The following GNAQ variants were observed in gnomAD, a reference collection of about 807,000 sequenced individuals.
GNAQ encodes the protein guanine nucleotide-binding protein G(q) subunit alpha.
In GNAQ, 8 loss-of-function variants were observed where a neutral mutation model predicts 43.9. The ratio of observed to expected loss-of-function variants is 0.18; its 90% CI spans 0.11 to 0.33. The LOEUF (loss-of-function observed/expected upper bound fraction) is 0.33, where lower values mean the gene tolerates loss of function less well. GNAQ is among the 10% of genes least tolerant of loss of function. The pLI is 1.00. For missense variants in GNAQ, 158 were observed against 450.8 expected (o/e 0.35, Z 5.88); for synonymous variants, 155 against 170.7 (o/e 0.91, Z 0.71).
At chr9:78,021,900 G>T (rs536000028) in intron 1 of GNAQ, among the ~76,000 whole-genome samples, 11 of 152,342 alleles carry the variant, frequency 7.2e-5, no homozygotes, top group African/African-American at 2.6e-4. Flanking sequence ...GGAACACTGC[G>T]TCTCTCGGGC....
chr9:77,951,569 A>C (rs980807434), intron 1 of GNAQ, among the ~76,000 whole-genome samples: 1 of 152,164 alleles, frequency 6.6e-6, no homozygotes, highest in African/African-American at 2.4e-5. Context: ...TTAGCTGTGT[A>C]CCTAAAAATG....
intron 2 of GNAQ, among the ~76,000 whole-genome samples, chr9:77,899,091 C>T (rs771488667): frequency 3.9e-5 from 6 of 151,984 alleles, no homozygotes; most frequent in African/African-American, 1.2e-4. Context: ...CTCACTCACC[C>T]GTTTTTTTGT....
At chr9:77,859,425 C>T (rs1350853476) in intron 2 of GNAQ, among the ~76,000 whole-genome samples, 1 of 152,126 alleles carries the variant, frequency 6.6e-6, no homozygotes, top group African/African-American at 2.4e-5. Flanking sequence ...ACATTTAGAT[C>T]CACATATCTG....
At chr9:77,786,416 G>A (rs1216740367) in intron 5 of GNAQ, among the ~76,000 whole-genome samples, 1 of 151,548 alleles carries the variant, frequency 6.6e-6, no homozygotes, top group Non-Finnish European at 1.5e-5. Context: ...AAAGGCCTCA[G>A]AGAACTAAGA....
At chr9:77,905,730 A>G (rs781113958) in intron 2 of GNAQ, among the ~76,000 whole-genome samples, 1 of 152,226 alleles carries the variant, frequency 6.6e-6, no homozygotes, top group Non-Finnish European at 1.5e-5. Flanking sequence ...GATTCTTGAA[A>G]GAGTCCTTCA....
Position 77,816,282 on chromosome 9 carries a change from T to G in GNAQ, c.322-512A>C, listed in dbSNP as rs532700528. ...CTTTTAGGACAGGGCGTAAAACCAT[T>G]AGAAGAACAATTAATAGTAATAATT... On this transcript the variant is annotated intron_variant, in intron 2 of 6. Coordinates refer to ENST00000286548, the MANE Select transcript of GNAQ (RefSeq NM_002072.5). Among the ~76,000 whole-genome samples, 4 of 152,234 alleles carry G rather than the reference T, an allele frequency of 2.6e-5. No individual in the cohort carries two copies. The East Asian group carries it at 7.7e-4, about 29-fold the overall frequency.
At chr9:77,977,485 A>G (rs987332056) in intron 1 of GNAQ, among the ~76,000 whole-genome samples, 1 of 152,168 alleles carries the variant, frequency 6.6e-6, no homozygotes, top group African/African-American at 2.4e-5. Context: ...CCATTGTTCA[A>G]CCCACAGGCA....
chr9:77,955,366 C>T (rs1823029261), intron 1 of GNAQ, among the ~76,000 whole-genome samples: 1 of 152,174 alleles, frequency 6.6e-6, no homozygotes, highest in South Asian at 2.1e-4. Context: ...TGGTTTTGAA[C>T]TCCTGACCTT....
chr9:77,956,066 T>A (rs1037467596), intron 1 of GNAQ, among the ~76,000 whole-genome samples: 2 of 152,228 alleles, frequency 1.3e-5, no homozygotes, highest in Non-Finnish European at 2.9e-5. Context: ...AAATATTGTC[T>A]TTTTTGTTAT....
At chr9:77,903,208 A>G (rs1828640194) in intron 2 of GNAQ, among the ~76,000 whole-genome samples, 1 of 152,006 alleles carries the variant, frequency 6.6e-6, no homozygotes, top group Non-Finnish European at 1.5e-5. Flanking sequence ...AAGTTTGAGG[A>G]GCCCCAGATC....
intron 2 of GNAQ, among the ~76,000 whole-genome samples, chr9:77,901,169 A>C (rs1175917377): frequency 5.9e-5 from 9 of 152,164 alleles, no homozygotes; most frequent in Non-Finnish European, 1.3e-4. Context: ...ACCCGATAGT[A>C]GTACCACACT....
At chr9:78,028,088 G>A (rs558884341) in intron 1 of GNAQ, among the ~76,000 whole-genome samples, 174 of 152,198 alleles carry the variant, frequency 1.1e-3, no homozygotes, top group African/African-American at 4.0e-3. Context: ...AAGAAAATAT[G>A]TGCTTTATAC....
chr9:78,016,590 G>A lies in GNAQ; in HGVS notation c.136+14510C>T, dbSNP rs559904622. ...CAGCTACTCGGGAGGGCTGAGGCAGGAGAACTGATTGAACCCGGGAGGCGG... is the reference window on the plus strand; with the variant it reads ...CAGCTACTCGGGAGGGCTGAGGCAGAAGAACTGATTGAACCCGGGAGGCGG... On this transcript the variant is annotated intron_variant, in intron 1 of 6. Transcript: ENST00000286548. Among the ~76,000 whole-genome samples, 4 of 152,048 alleles carry A rather than the reference G, an allele frequency of 2.6e-5. No individual in the cohort carries two copies. The South Asian group carries it at 6.2e-4, about 24-fold the overall frequency.
intron 2 of GNAQ, among the ~76,000 whole-genome samples, chr9:77,840,060 T>C (rs1827461479): frequency 6.6e-6 from 1 of 152,238 alleles, no homozygotes; most frequent in Non-Finnish European, 1.5e-5. Flanking sequence ...TGGGAACCCG[T>C]GCGTTTTCCT....
intron 1 of GNAQ, among the ~76,000 whole-genome samples, chr9:77,933,055 A>G (rs1829174631): frequency 6.6e-6 from 1 of 152,106 alleles, no homozygotes; most frequent in African/African-American, 2.4e-5. Context: ...GAGGAGGTTA[A>G]GTTTGAAATG....
At chr9:78,000,322 A>T (rs1028500063) in intron 1 of GNAQ, among the ~76,000 whole-genome samples, 6 of 152,186 alleles carry the variant, frequency 3.9e-5, no homozygotes, top group Admixed American at 3.3e-4. Context: ...TGATGACCTA[A>T]CAGTTCAGAC....
intron 5 of GNAQ, among the ~76,000 whole-genome samples, chr9:77,732,490 C>T (rs1285966439): frequency 6.6e-6 from 1 of 152,148 alleles, no homozygotes; most frequent in East Asian, 1.9e-4. Flanking sequence ...CTCAGCCTCC[C>T]TAGTGGCTGG....
intron 5 of GNAQ, among the ~76,000 whole-genome samples, chr9:77,757,045 CTTAAA>C (rs942215251): frequency 2.6e-4 from 39 of 152,154 alleles, no homozygotes; most frequent in African/African-American, 8.0e-4. Flanking sequence ...GGATCAAATC[CTTAAA>C]TTAAAGGATT....
intron 1 of GNAQ, among the ~76,000 whole-genome samples, chr9:77,979,409 C>T (rs1823342222): frequency 6.6e-6 from 1 of 150,984 alleles, no homozygotes; most frequent in Non-Finnish European, 1.5e-5. Flanking sequence ...TATGAAAGAA[C>T]TATTTGATAT....
Sources: gnomAD v4.1 joint callset for allele counts (sites outside exome capture counted in the v4.1 genomes callset) on GRCh38, gnomAD v4.1.1 for gene constraint, MANE v1.5 for transcripts, NCBI Gene and HGNC (gene_info 2026-07-23, HGNC 2026-07-21) for gene names.